Variants in ASGR2 observed in about 807,000 individuals in gnomAD.
ASGR2 encodes C-type lectin domain family 4 member H2.
Under a neutral mutation model 32.3 loss-of-function variants are expected in ASGR2, and 34 were observed. The ratio of observed to expected loss-of-function variants is 1.05; its 90% CI spans 0.80 to 1.40. The LOEUF (loss-of-function observed/expected upper bound fraction) is 1.40. ASGR2 is among the 40% of genes most tolerant of loss of function. ASGR2 has a pLI of 0.00. For synonymous variants in ASGR2, 143 were observed against 150.0 expected, an observed-to-expected ratio of 0.95 and a Z score of 0.34; for missense variants, 385 against 386.4, an observed-to-expected ratio of 1.00 and a Z score of 0.03.
intron 2 of ASGR2, among the ~76,000 whole-genome samples, chr17:7,109,693 C>A (rs1314450068): frequency 1.3e-5 from 2 of 152,098 alleles, no homozygotes; most frequent in Non-Finnish European, 2.9e-5. Context: ...CAAACTCACA[C>A]ACACTCACAC....
Position 7,113,627 on chromosome 17 carries a change from G to A in ASGR2, c.124+490C>T, listed in dbSNP as rs1051121486. Among the ~76,000 whole-genome samples, 3 of 147,354 alleles carry A rather than the reference G, an allele frequency of 2.0e-5. No individual in the cohort carries two copies. The highest frequency in any genetic ancestry group is 3.0e-5 in the Non-Finnish European group (2 of 67,038). The stretch of plus-strand genomic sequence containing the variant: ...TCGCACAACATACACACATGCACAA[G>A]ATACACACACAACACACAACATACA... On this transcript the variant is annotated intron_variant, in intron 2 of 8. Transcript: ENST00000691900. The surrounding 1 kb of genome is among the most constrained non-coding windows in gnomAD (Gnocchi z 5.1).
Position 7,107,624 on chromosome 17 carries a change from A to AAC in ASGR2, c.409+210_409+211dup. 1.4e-6 allele frequency: 1 copy of AAC among 690,122 alleles called. No homozygotes were observed. Among genetic ancestry groups the AAC allele is most frequent in the East Asian group, 2.7e-5 (1 of 36,444 alleles). The allele number at this position is 690,122 out of a possible 1,614,324, so 42.7% of individuals were successfully genotyped here. A position where few individuals can be genotyped will look rare whatever the true frequency, so the allele number is the denominator to read the frequency against. On this transcript the variant is annotated intron_variant, in intron 5 of 8. Transcript: ENST00000691900. The surrounding 1 kb of genome is among the most constrained non-coding windows in gnomAD (Gnocchi z 5.0). ...CACCACCACACATGCATACACACACAACACACACATATACACCACACTACA... is the reference window on the plus strand; with the variant it reads ...CACCACCACACATGCATACACACACAACACACACACATATACACCACACTACA...
intron 7 of ASGR2, among the ~76,000 whole-genome samples, chr17:7,105,881 C>T (rs925043760): frequency 7.9e-5 from 12 of 151,660 alleles, no homozygotes; most frequent in Non-Finnish European, 7.4e-5. Context: ...CTCTGCCTCC[C>T]GGGTTCAAGT....
chr17:7,107,403 C>A lies in ASGR2; in HGVS notation c.410-86G>T. On this transcript the variant is annotated intron_variant, in intron 5 of 8. Transcript: ENST00000691900. This position sits in a 1 kb window ranked among gnomAD's most constrained non-coding sequence, Gnocchi z 5.0. Reference sequence around the variant, plus strand: ...CCTGTGGCTGGGGAAGCATATACACCCACAGACACGTACACCATGCATAGA... The same window carrying A: ...CCTGTGGCTGGGGAAGCATATACACACACAGACACGTACACCATGCATAGA... The A allele has an allele frequency of 7.2e-7, 1 of 1,389,444 alleles. No individual in the cohort carries two copies. Among genetic ancestry groups the A allele is most frequent in the Admixed American group, 1.9e-5 (1 of 52,958 alleles). 86.1% of individuals were successfully genotyped at this position (1,389,444 alleles called of 1,614,324 possible).
chr17:7,115,023 T>C, upstream of ASGR2: 1 of 983,868 alleles, frequency 1.0e-6, no homozygotes, highest in Non-Finnish European at 1.2e-6. The surrounding 1 kb of genome is among the most constrained non-coding windows in gnomAD (Gnocchi z 4.2). Context: ...CCTCTCTCCC[T>C]CCCCCTCTCA....
rs958476408 is a variant in ASGR2, at chr17:7,107,572, C to T, written c.410-255G>A. ...ATGCGTACACACACATATACCATAC[C>T]GCACACACACAGACTCATCTCACAC... On this transcript the variant is annotated intron_variant, in intron 5 of 8. Coordinates refer to ENST00000691900, the MANE Select transcript of ASGR2 (RefSeq NM_001201352.2). The surrounding 1 kb of genome is among the most constrained non-coding windows in gnomAD (Gnocchi z 5.0). The T allele has an allele frequency of 3.0e-5, 19 of 633,656 alleles. No individual in the cohort carries two copies. The highest frequency in any genetic ancestry group is 1.1e-4 in the African/African-American group (6 of 54,836). 39.3% of individuals were successfully genotyped at this position (633,656 alleles called of 1,614,324 possible).
rs78607040 is a variant in ASGR2, at chr17:7,102,962, C to T, written c.649-766G>A. Among the ~76,000 whole-genome samples the T allele has an allele frequency of 1.3e-4, 20 of 152,264 alleles. No individual in the cohort carries two copies. In the East Asian group the frequency reaches 3.9e-3, roughly 29 times the overall value. On this transcript the variant is annotated intron_variant, in intron 7 of 8. Transcript: ENST00000691900. The stretch of plus-strand genomic sequence containing the variant: ...TGCAGATAGCTCCCCGGGACCCACG[C>T]GCACCCACACTCCCAGCACGGTAGC...
In ASGR2 at chr17:7,108,025, G is replaced by T. The variant is rs417927; in HGVS notation, c.338-118C>A. The T allele has an allele frequency of 0.55, 646,244 of 1,164,604 alleles. 184,563 individuals are homozygous for T. The highest frequency in any genetic ancestry group is 0.71 in the South Asian group (49,162 of 69,022). 72.1% of individuals were successfully genotyped at this position (1,164,604 alleles called of 1,614,324 possible). A position where few individuals can be genotyped will look rare whatever the true frequency, so the allele number is the denominator to read the frequency against. ...GCAGGCGTCCACCTCCTGGCTTCCT[G>T]GACCACACCCAGGCTCCCTGCACTG... On this transcript the variant is annotated intron_variant, in intron 4 of 8. Transcript: ENST00000691900. The surrounding 1 kb of genome is among the most constrained non-coding windows in gnomAD (Gnocchi z 4.9).
At chr17:7,109,532 C>G (rs1403342587) in intron 2 of ASGR2, among the ~76,000 whole-genome samples, 1 of 152,086 alleles carries the variant, frequency 6.6e-6, no homozygotes, top group African/African-American at 2.4e-5. Context: ...GCAAGGCCTC[C>G]TCCCCAGCGC....
chr17:7,113,143 A>G lies in ASGR2; in HGVS notation c.124+974T>C, dbSNP rs1381414394. On this transcript the variant is annotated intron_variant, in intron 2 of 8. Transcript: ENST00000691900. This position sits in a 1 kb window ranked among gnomAD's most constrained non-coding sequence, Gnocchi z 5.1. ...CACTACACTCCTGTCTCTAAAAAAA[A>G]AATGTCCAAGATACTTAGGTCCTTC... 6.6e-6 allele frequency among the ~76,000 whole-genome samples: 1 copy of G among 152,052 alleles called. No homozygotes were observed. Among genetic ancestry groups the G allele is most frequent in the Non-Finnish European group, 1.5e-5 (1 of 68,016 alleles).
At chr17:7,110,728 A>G (rs1180414588) in intron 2 of ASGR2, among the ~76,000 whole-genome samples, 1 of 152,256 alleles carries the variant, frequency 6.6e-6, no homozygotes, top group Non-Finnish European at 1.5e-5. Flanking sequence ...GGTCTGCCCA[A>G]GATGGGAAGA....
Position 7,106,896 on chromosome 17 carries a change from T to A in ASGR2, c.648+104A>T, listed in dbSNP as rs1913776923. 6.4e-6 allele frequency: 9 copies of A among 1,397,046 alleles called. No homozygotes were observed. The Admixed American group carries it at 1.6e-4, about 25-fold the overall frequency. 86.5% of individuals were successfully genotyped at this position (1,397,046 alleles called of 1,614,324 possible). On this transcript the variant is annotated intron_variant, in intron 7 of 8. Transcript: ENST00000691900. ...TCCAGCTTGGGCGACAGAGCGAGAC[T>A]CCATCTCAAAAAAAAAAAAAAAATG...
At position 7,107,576 on chromosome 17, in the gene ASGR2, C is replaced by T. The variant is rs966744669; in HGVS notation, c.410-259G>A. On this transcript the variant is annotated intron_variant, in intron 5 of 8. Coordinates refer to ENST00000691900, the MANE Select transcript of ASGR2 (RefSeq NM_001201352.2). The surrounding 1 kb of genome is among the most constrained non-coding windows in gnomAD (Gnocchi z 5.0). ...GTACACACACATATACCATACCGCACACACACAGACTCATCTCACACACAC... is the reference window on the plus strand; with the variant it reads ...GTACACACACATATACCATACCGCATACACACAGACTCATCTCACACACAC... The T allele has an allele frequency of 1.0e-4, 65 of 637,150 alleles. No homozygotes were observed. Among genetic ancestry groups the T allele is most frequent in the Non-Finnish European group, 1.7e-4 (63 of 360,018 alleles). 39.5% of individuals were successfully genotyped at this position (637,150 alleles called of 1,614,324 possible). A position where few individuals can be genotyped will look rare whatever the true frequency, so the allele number is the denominator to read the frequency against.
At chr17:7,109,636 T>C (rs772247863) in intron 2 of ASGR2, among the ~76,000 whole-genome samples, 1 of 151,936 alleles carries the variant, frequency 6.6e-6, no homozygotes, top group Non-Finnish European at 1.5e-5. Flanking sequence ...TGCCCCTTGA[T>C]CCATCTGCAC....
chr17:7,108,451 C>T lies in ASGR2; in HGVS notation c.337+11G>A, dbSNP rs1914151947. The T allele has an allele frequency of 6.3e-7, 1 of 1,586,774 alleles. No individual in the cohort carries two copies. Among genetic ancestry groups the T allele is most frequent in the Non-Finnish European group, 8.6e-7 (1 of 1,166,156 alleles). On this transcript the variant is annotated intron_variant, in intron 4 of 8. Coordinates refer to ENST00000691900, the MANE Select transcript of ASGR2 (RefSeq NM_001201352.2). This position sits in a 1 kb window ranked among gnomAD's most constrained non-coding sequence, Gnocchi z 4.9. Reference sequence around the variant, plus strand: ...GCGGATAAATGAGAACCCAGCCGTCCAGCCCCTCACCGTGGGTGCTGATTG... The same window carrying T: ...GCGGATAAATGAGAACCCAGCCGTCTAGCCCCTCACCGTGGGTGCTGATTG...
intron 7 of ASGR2, 130 bp downstream of exon 7, chr17:7,106,856 ATCGTGCCACTGCAC>A: frequency 1.8e-6 from 2 of 1,120,756 alleles, no homozygotes; most frequent in East Asian, 5.3e-5. Flanking sequence ...GTGAGCCGAG[ATCGTGCCACTGCAC>A]TCCAGCTTGG....
intron 7 of ASGR2, among the ~76,000 whole-genome samples, chr17:7,102,917 G>A (rs1403728350): frequency 3.9e-5 from 6 of 152,178 alleles, no homozygotes; most frequent in Admixed American, 3.9e-4. Flanking sequence ...AGGGGCTTGG[G>A]TGAAAGTGGA....
intron 2 of ASGR2, among the ~76,000 whole-genome samples, chr17:7,111,671 GA>G (rs201036609): frequency 0.022 from 3,206 of 147,202 alleles, 107 homozygotes; most frequent in African/African-American, 0.076. Flanking sequence ...AAAAAAAAAA[GA>G]AAAGAAAGAA....
At chr17:7,105,672 T>A (rs1913569053) in intron 7 of ASGR2, among the ~76,000 whole-genome samples, 1 of 152,096 alleles carries the variant, frequency 6.6e-6, no homozygotes, top group African/African-American at 2.4e-5. Context: ...GAGCCAGATC[T>A]TGTATCAAAA....
Sources: allele counts gnomAD v4.1 joint callset (sites outside exome capture counted in the v4.1 genomes callset), GRCh38; gene constraint gnomAD v4.1.1; non-coding constraint Gnocchi (gnomAD v3.1); transcripts MANE v1.5; gene names NCBI Gene and HGNC (gene_info 2026-07-23, HGNC 2026-07-21).